The following B9D1 variants were observed in gnomAD, a reference collection of about 807,000 sequenced individuals.
The protein encoded by B9D1 is B9 domain-containing protein 1.
A neutral mutation model predicts 26.1 loss-of-function variants in B9D1; 20 were observed. The observed-to-expected ratio is 0.77, with a 90% CI of 0.54 to 1.12. The LOEUF (loss-of-function observed/expected upper bound fraction) is 1.12. B9D1 is among the 50% of genes most tolerant of loss of function. The pLI is 0.00. For synonymous variants in B9D1, 105 were observed against 103.1 expected (o/e 1.02, Z -0.11); for missense variants, 260 against 273.7 (o/e 0.95, Z 0.35).
At chr17:19,369,115 C>A (rs570225878) in intron 1 of B9D1, among the ~76,000 whole-genome samples, 63 of 152,184 alleles carry the variant, frequency 4.1e-4, no homozygotes, top group Non-Finnish European at 7.6e-4. Context: ...TGAAGCATGG[C>A]AAAGAGCTAG....
rs1106374 is a variant in B9D1, at chr17:19,362,283, C to T, written c.63+224G>A. The stretch of plus-strand genomic sequence containing the variant: ...GGCTTGCCCGAGTGTGACCTCGGTA[C>T]TAGCTCAACATCTCGAGGTCTGCTT... On this transcript the variant is annotated intron_variant, in intron 1 of 6. Transcript: ENST00000261499. Among the ~76,000 whole-genome samples the T allele has an allele frequency of 0.8, 121,914 of 152,172 alleles. 50,725 individuals are homozygous for T. Among genetic ancestry groups the T allele is most frequent in the Non-Finnish European group, 0.93 (63,256 of 68,010 alleles).
chr17:19,345,952 A>C (rs1908720588), intron 5 of B9D1, among the ~76,000 whole-genome samples: 1 of 152,244 alleles, frequency 6.6e-6, no homozygotes, highest in Non-Finnish European at 1.5e-5. Flanking sequence ...TAATCCAAGC[A>C]CATACTGCCT....
At position 19,360,384 on chromosome 17, in the gene B9D1, G is replaced by C. The variant is rs763490372; in HGVS notation, c.68C>G (p.Pro23Arg). ...VNGQVESAQF[P>R]EYDDLYCKYC... ...CTTGCAGTAGAGGTCATCATACTCT[G>C]GAAACTGAAAAAAGCACAGACAGAT... Residue 23 changes from proline to arginine, a missense_variant, in exon 2 of 7, where the codon CCA becomes CGA. Pro to Arg is a moderately radical substitution (Grantham distance 103). Coordinates refer to ENST00000261499, the MANE Select transcript of B9D1 (RefSeq NM_015681.6). 6 of 1,613,652 alleles carry C rather than the reference G, an allele frequency of 3.7e-6. No individual in the cohort carries two copies. Among genetic ancestry groups the C allele is most frequent in the Non-Finnish European group, 4.2e-6 (5 of 1,179,962 alleles).
At position 19,357,964 on chromosome 17, in the gene B9D1, T is replaced by C. The variant is rs1272935218; in HGVS notation, c.133-13A>G. Reference sequence around the variant, plus strand: ...CCTCCTCCAGACCCTGTGAGGACAGTGACACAGACGGCTGGATTCAGAGCA... The same window carrying C: ...CCTCCTCCAGACCCTGTGAGGACAGCGACACAGACGGCTGGATTCAGAGCA... On this transcript the variant is annotated splice_polypyrimidine_tract_variant and intron_variant, in intron 2 of 6. Transcript: ENST00000261499. 6 of 1,599,968 alleles carry C rather than the reference T, an allele frequency of 3.8e-6. No homozygotes were observed. The highest frequency in any genetic ancestry group is 3.4e-6 in the Non-Finnish European group (4 of 1,167,280).
upstream of B9D1, among the ~76,000 whole-genome samples, chr17:19,364,084 C>G (rs780535742): frequency 6.6e-6 from 1 of 152,204 alleles, no homozygotes; most frequent in African/African-American, 2.4e-5. The surrounding 1 kb of genome is among the most constrained non-coding windows in gnomAD (Gnocchi z 4.3). Context: ...TATTTCCTCC[C>G]TTTGGCCTTT....
chr17:19,339,964 C>T (rs1293034523), downstream of B9D1, among the ~76,000 whole-genome samples: 1 of 150,222 alleles, frequency 6.7e-6, no homozygotes, highest in Non-Finnish European at 1.5e-5. Context: ...ACAGCATGGA[C>T]AGCAAGTAAG....
At chr17:19,361,208 G>C (rs1431428707) in intron 1 of B9D1, among the ~76,000 whole-genome samples, 1 of 152,066 alleles carries the variant, frequency 6.6e-6, no homozygotes. Flanking sequence ...ACATTATGGT[G>C]AGTTGTATAA....
At chr17:19,335,397 T>TA (rs1345150002), downstream of B9D1, 9 of 1,548,302 alleles carry the variant, frequency 5.8e-6, no homozygotes, top group East Asian at 2.4e-5. Context: ...TCCTTTTTTT[T>TA]ATTAAAGGCA....
intron 3 of B9D1, among the ~76,000 whole-genome samples, chr17:19,348,124 T>A (rs746997996): frequency 6.6e-6 from 1 of 151,960 alleles, no homozygotes; most frequent in Non-Finnish European, 1.5e-5. Flanking sequence ...TTCTCACCGC[T>A]ATGGAGTCAG....
exon 1 of B9D1, chr17:19,377,881 C>A: frequency 1.0e-6 from 1 of 985,410 alleles, no homozygotes; most frequent in Non-Finnish European, 1.2e-6. Flanking sequence ...AAACCGCGAG[C>A]TGCAGTCCAA....
intron 1 of B9D1, among the ~76,000 whole-genome samples, chr17:19,375,066 G>A (rs1193718369): frequency 2.0e-5 from 3 of 152,132 alleles, no homozygotes; most frequent in East Asian, 1.9e-4. Flanking sequence ...GACGTAGGCC[G>A]ATCACTTGAG....
intron 2 of B9D1, among the ~76,000 whole-genome samples, chr17:19,358,933 C>T (rs894786238): frequency 6.6e-6 from 1 of 152,236 alleles, no homozygotes; most frequent in Non-Finnish European, 1.5e-5. Flanking sequence ...GTTCTTCTCA[C>T]TGAAAGGCAG....
At chr17:19,363,422 A>C (rs555663838), upstream of B9D1, among the ~76,000 whole-genome samples, 8 of 152,370 alleles carry the variant, frequency 5.3e-5, no homozygotes, top group African/African-American at 1.9e-4. Flanking sequence ...CAGAGTAAGC[A>C]CTTGGTAACT....
rs1911826219 is a variant in B9D1 at position 19,370,255 on chromosome 17, G to A, written c.-298+7604C>T. ...TTTGAAAGATTGCTCTGGCTACTGT[G>A]CAGAGTGGCTTCTCAGGGTGCACAC... On this transcript the variant is annotated intron_variant, in intron 1 of 5. Transcript: ENST00000477478. This position sits in a 1 kb window ranked among gnomAD's most constrained non-coding sequence, Gnocchi z 5.1. 6.6e-6 allele frequency among the ~76,000 whole-genome samples: 1 copy of A among 152,224 alleles called. No individual in the cohort carries two copies. The highest frequency in any genetic ancestry group is 1.5e-5 in the Non-Finnish European group (1 of 68,042).
At chr17:19,368,831 T>C (rs1029787339) in intron 1 of B9D1, among the ~76,000 whole-genome samples, 1 of 152,090 alleles carries the variant, frequency 6.6e-6, no homozygotes, top group Non-Finnish European at 1.5e-5. Context: ...CCTGTGACCC[T>C]GGCTACTTGG....
rs897492945 is a variant in B9D1, at chr17:19,370,431, C to T, written c.-298+7428G>A. ...AAGGGGCGTGTGGCTGTGTGGTTGA[C>T]ATCTCGATGACATGTGCTGTGTGTG... On this transcript the variant is annotated intron_variant, in intron 1 of 5. Coordinates refer to the B9D1 transcript ENST00000477478. The surrounding 1 kb of genome is among the most constrained non-coding windows in gnomAD (Gnocchi z 5.1). Among the ~76,000 whole-genome samples the T allele has an allele frequency of 6.6e-6, 1 of 152,306 alleles. No individual in the cohort carries two copies. The highest frequency in any genetic ancestry group is 1.5e-5 in the Non-Finnish European group (1 of 68,032).
Position 19,343,236 on chromosome 17 carries a change from G to A in B9D1, c.*83C>T, listed in dbSNP as rs1908185814. The A allele has an allele frequency of 2.5e-6, 4 of 1,603,482 alleles. No homozygotes were observed. In the Admixed American group the frequency reaches 6.7e-5, roughly 27 times the overall value. On this transcript the variant is annotated 3_prime_UTR_variant, in exon 7 of 7. Coordinates refer to ENST00000261499, the MANE Select transcript of B9D1 (RefSeq NM_015681.6). ...TGTGTGCCCCCAGCTCTGGCCACCA[G>A]GCTGCCCCTCAGGCCGATGGGCAGC... is the stretch of plus-strand genomic sequence containing the variant.
downstream of B9D1, chr17:19,337,808 T>TG: frequency 9.1e-7 from 1 of 1,096,800 alleles, no homozygotes; most frequent in South Asian, 1.3e-5. Flanking sequence ...GGCCTGGAAT[T>TG]GCCTCACTGC....
At chr17:19,371,027 C>G (rs1336375500) in intron 1 of B9D1, among the ~76,000 whole-genome samples, 1 of 152,224 alleles carries the variant, frequency 6.6e-6, no homozygotes, top group Non-Finnish European at 1.5e-5. Flanking sequence ...CCCTGCTCAC[C>G]CTGAGCCCCT....
Sources: allele counts gnomAD v4.1 joint callset (sites outside exome capture counted in the v4.1 genomes callset), GRCh38; gene constraint gnomAD v4.1.1; non-coding constraint Gnocchi (gnomAD v3.1); transcripts MANE v1.5; gene names NCBI Gene and HGNC (gene_info 2026-07-23, HGNC 2026-07-21).